Variants in ZNF682 observed in about 807,000 individuals in gnomAD.
The protein encoded by ZNF682 is zinc finger protein 682.
ZNF682 carries 29 observed loss-of-function variants against 36.5 expected under a neutral mutation model. That is an observed-to-expected ratio of 0.80 (90% CI 0.59 to 1.08). ZNF682 has a LOEUF of 1.08. Among genes scored for constraint, ZNF682 ranks in the 50% least tolerant of loss-of-function variants. The probability of loss-of-function intolerance (pLI) is 0.00; values close to 1 mark genes in which losing one functional copy is unlikely to be tolerated. For missense variants in ZNF682, 561 were observed against 579.7 expected, an observed-to-expected ratio of 0.97 and a Z score of 0.33; for synonymous variants, 180 against 197.0, an observed-to-expected ratio of 0.91 and a Z score of 0.72.
intron 3 of ZNF682, among the ~76,000 whole-genome samples, chr19:20,014,322 A>T (rs76842167): frequency 6.6e-6 from 1 of 152,344 alleles, no homozygotes; most frequent in African/African-American, 2.4e-5. Context: ...ATTATCTTTC[A>T]TGTATATGGT....
chr19:19,998,340 C>G (rs1335361399), intron 3 of ZNF682, among the ~76,000 whole-genome samples: 1 of 152,080 alleles, frequency 6.6e-6, no homozygotes, highest in Non-Finnish European at 1.5e-5. Context: ...TCAGAAGAAG[C>G]CACCCTTAGT....
rs1303113270 is a variant in ZNF682 at position 20,035,132 on chromosome 19, C to A, written c.3+4211G>T. Among the ~76,000 whole-genome samples, 4 of 152,310 alleles carry A rather than the reference C, an allele frequency of 2.6e-5. No individual in the cohort carries two copies. The East Asian group carries it at 5.8e-4, about 22-fold the overall frequency. Reference sequence around the variant, plus strand: ...TATACATATAGACACTAAAATCATGCTGACCTATAATCATACCTGTTGGAT... The same window carrying A: ...TATACATATAGACACTAAAATCATGATGACCTATAATCATACCTGTTGGAT... On this transcript the variant is annotated intron_variant, in intron 1 of 3. Transcript: ENST00000397165.
chr19:20,008,309 A>C (rs117847062), intron 3 of ZNF682: 1,978 of 152,386 alleles, frequency 0.013, 20 homozygotes, highest in South Asian at 0.032. Context: ...AGCAGCATAG[A>C]ACATCTGGAA....
At chr19:20,012,524 T>G (rs1300698453) in intron 3 of ZNF682, among the ~76,000 whole-genome samples, 1 of 152,010 alleles carries the variant, frequency 6.6e-6, no homozygotes, top group African/African-American at 2.4e-5. Flanking sequence ...TCCCAGCACT[T>G]TGGGAGGCCG....
At chr19:19,998,172 G>C (rs1168637552) in intron 3 of ZNF682, among the ~76,000 whole-genome samples, 1 of 152,158 alleles carries the variant, frequency 6.6e-6, no homozygotes, top group East Asian at 1.9e-4. Context: ...ACTAAAGCAA[G>C]TATACGTGAA....
At chr19:20,015,784 G>A (rs1339298760) in intron 3 of ZNF682, 1 of 397,854 alleles carries the variant, frequency 2.5e-6, no homozygotes, top group Non-Finnish European at 4.4e-6. Flanking sequence ...ATAATACTAG[G>A]GAAACTTATT....
chr19:19,998,944 T>C (rs1337984747), intron 3 of ZNF682, among the ~76,000 whole-genome samples: 2 of 152,124 alleles, frequency 1.3e-5, no homozygotes, highest in African/African-American at 2.4e-5. Context: ...TCTCCCCCTA[T>C]ATTTGCGTGA....
intron 3 of ZNF682, among the ~76,000 whole-genome samples, chr19:19,998,917 T>C (rs2088144900): frequency 2.6e-5 from 4 of 152,244 alleles, no homozygotes; most frequent in African/African-American, 9.6e-5. Context: ...ATATATATAA[T>C]CTTGAGAGTT....
chr19:20,007,182 C>G lies in ZNF682; in HGVS notation c.320G>C (p.Gly107Ala). ...KVILRRYGSCGLEDLHLRKDG... is the reference protein window; with the variant it reads ...KVILRRYGSCALEDLHLRKDG... The stretch of plus-strand genomic sequence containing the variant: ...CTTCCTTAAGTGTAAATCCTCAAGT[C>G]CACAGCTTCCATATCTTCTCAGTAT... The change falls in exon 4 of 4, where the codon GGA becomes GCA. Residue 107 changes from glycine (G) to alanine (A), a missense_variant. By Grantham distance (60) the Gly-to-Ala change is moderately conservative. Transcript: ENST00000397165. 6.2e-7 allele frequency: 1 copy of G among 1,613,718 alleles called. No individual in the cohort carries two copies. Among genetic ancestry groups the G allele is most frequent in the Non-Finnish European group, 8.5e-7 (1 of 1,179,992 alleles).
intron 1 of ZNF682, among the ~76,000 whole-genome samples, chr19:20,034,616 T>TA (rs1390320054): frequency 2.0e-5 from 3 of 150,634 alleles, no homozygotes; most frequent in Non-Finnish European, 3.0e-5. Context: ...ACCTCTCTAC[T>TA]AAAAAAATTA....
chr19:20,020,260 G>A (rs1013548049), intron 3 of ZNF682, among the ~76,000 whole-genome samples: 1 of 152,092 alleles, frequency 6.6e-6, no homozygotes, highest in Non-Finnish European at 1.5e-5. Context: ...CACTGTGGGA[G>A]GCTGAGGCAG....
At chr19:20,008,991 C>T (rs957430069) in intron 3 of ZNF682, among the ~76,000 whole-genome samples, 2 of 152,114 alleles carry the variant, frequency 1.3e-5, no homozygotes, top group African/African-American at 4.8e-5. Context: ...ACACAACATA[C>T]ACCACAGCCA....
chr19:20,036,606 C>CAA (rs71172557), intron 1 of ZNF682, among the ~76,000 whole-genome samples: 42 of 71,438 alleles, frequency 5.9e-4, no homozygotes, highest in African/African-American at 8.2e-4. Context: ...AACTCCATCT[C>CAA]AAAAAAAAAA....
At chr19:20,019,270 A>G (rs568875396) in intron 3 of ZNF682, among the ~76,000 whole-genome samples, 1 of 152,334 alleles carries the variant, frequency 6.6e-6, no homozygotes, top group Admixed American at 6.5e-5. Flanking sequence ...CGGATATGGA[A>G]AATTGAGAGG....
At chr19:20,027,168 C>T (rs963217402) in intron 1 of ZNF682, among the ~76,000 whole-genome samples, 3 of 152,280 alleles carry the variant, frequency 2.0e-5, no homozygotes, top group South Asian at 2.1e-4. Flanking sequence ...CTTGAGCATA[C>T]GCCTTTTAAA....
chr19:20,002,214 C>CTGGGACTA (rs1413044307), downstream of ZNF682, among the ~76,000 whole-genome samples: 5 of 151,498 alleles, frequency 3.3e-5, no homozygotes, highest in Non-Finnish European at 7.4e-5. Context: ...TCCCGAGTAG[C>CTGGGACTA]TGGGACTACA....
chr19:20,023,690 T>TA (rs2088407175), intron 2 of ZNF682, among the ~76,000 whole-genome samples: 1 of 91,906 alleles, frequency 1.1e-5, no homozygotes, highest in African/African-American at 4.1e-5. Context: ...TTCCAAGAAT[T>TA]ACCACTAAAG....
downstream of ZNF682, among the ~76,000 whole-genome samples, chr19:20,001,917 T>C (rs2088170136): frequency 6.6e-6 from 1 of 152,164 alleles, no homozygotes; most frequent in Non-Finnish European, 1.5e-5. Flanking sequence ...TTTTTGCCTT[T>C]GTAAAGGAAG....
chr19:19,997,079 A>C (rs866932064), exon 4 of ZNF682: 41 of 396,040 alleles, frequency 1.0e-4, no homozygotes, highest in Non-Finnish European at 6.7e-5. Context: ...AAAAAAAAAA[A>C]AACCCAGAAT....
Sources: allele counts gnomAD v4.1 joint callset (sites outside exome capture counted in the v4.1 genomes callset), GRCh38; gene constraint gnomAD v4.1.1; transcripts MANE v1.5; gene names NCBI Gene and HGNC (gene_info 2026-07-23, HGNC 2026-07-21).